Variants in SCARA3 observed in about 807,000 individuals in gnomAD.
SCARA3 encodes cellular stress response gene protein.
In SCARA3, 39 loss-of-function variants were observed where a neutral mutation model predicts 47.0. The observed-to-expected ratio is 0.83, with a 90% CI of 0.64 to 1.08. The LOEUF (loss-of-function observed/expected upper bound fraction) is 1.08, where lower values mean the gene tolerates loss of function less well. Ranked by LOEUF, SCARA3 falls within the 50% of genes least tolerant of loss-of-function variation. SCARA3 has a pLI of 0.00. For synonymous variants in SCARA3, 356 were observed against 334.1 expected, an observed-to-expected ratio of 1.07 and a Z score of -0.71; for missense variants, 724 against 792.3, an observed-to-expected ratio of 0.91 and a Z score of 1.04.
the SCARA3 span, chr8:27,701,519 T>C: frequency 6.6e-6 from 1 of 152,190 alleles, no homozygotes; most frequent in Non-Finnish European, 1.5e-5. Flanking sequence ...AGAGATGCTT[T>C]TTCATTCTTT....
chr8:27,653,780 TG>T, intron 3 of SCARA3, among the ~76,000 whole-genome samples: 1 of 152,176 alleles, frequency 6.6e-6, no homozygotes. Flanking sequence ...TATTCTATAC[TG>T]GGCAGTATAC....
downstream of SCARA3, among the ~76,000 whole-genome samples, chr8:27,674,541 C>T (rs1184730960): frequency 2.0e-5 from 3 of 152,106 alleles, no homozygotes; most frequent in African/African-American, 7.2e-5. Context: ...TCCTGCCCTG[C>T]TCGGTTATTT....
chr8:27,671,669 T>C lies in SCARA3; in HGVS notation c.*318T>C, dbSNP rs1585300193. On this transcript the variant is annotated 3_prime_UTR_variant, in exon 6 of 6. Transcript: ENST00000301904. ...ACACACACATGCACGCACACACACATGCACACATACACGTGCACACATACA... is the reference window on the plus strand; with the variant it reads ...ACACACACATGCACGCACACACACACGCACACATACACGTGCACACATACA... The C allele has an allele frequency of 9.3e-7, 1 of 1,072,840 alleles. No individual in the cohort carries two copies. Among genetic ancestry groups the C allele is most frequent in the Non-Finnish European group, 1.1e-6 (1 of 884,064 alleles). 66.5% of individuals were successfully genotyped at this position (1,072,840 alleles called of 1,614,324 possible). A position where few individuals can be genotyped will look rare whatever the true frequency, so the allele number is the denominator to read the frequency against.
the SCARA3 span, among the ~76,000 whole-genome samples, chr8:27,711,083 C>T: frequency 1.1e-4 from 16 of 152,114 alleles, no homozygotes; most frequent in South Asian, 2.1e-4. Flanking sequence ...CCACCACGCC[C>T]GACTAATTCT....
intron 1 of SCARA3, 71 bp downstream of exon 1, chr8:27,634,278 G>C: frequency 7.9e-7 from 1 of 1,271,988 alleles, no homozygotes; most frequent in Non-Finnish European, 1.0e-6. Flanking sequence ...GGGCCTGGGG[G>C]GCGCCTTTTC....
intron 1 of SCARA3, among the ~76,000 whole-genome samples, chr8:27,644,438 G>T (rs572283482): frequency 8.9e-4 from 136 of 152,286 alleles, no homozygotes; most frequent in African/African-American, 3.0e-3. Context: ...CTGGCTCATG[G>T]AGTCTTAGAT....
chr8:27,661,681 T>C (rs1425668711), intron 5 of SCARA3, among the ~76,000 whole-genome samples: 2 of 152,214 alleles, frequency 1.3e-5, no homozygotes, highest in Admixed American at 1.3e-4. Flanking sequence ...CTGGTATTCA[T>C]CACCACCTTC....
chr8:27,674,332 C>G (rs1004801250), downstream of SCARA3, among the ~76,000 whole-genome samples: 2 of 152,200 alleles, frequency 1.3e-5, no homozygotes, highest in Non-Finnish European at 2.9e-5. Flanking sequence ...GATGGAGGTG[C>G]CTCGGTGGCC....
At chr8:27,676,111 TA>T (rs1802273561), downstream of SCARA3, among the ~76,000 whole-genome samples, 1 of 152,226 alleles carries the variant, frequency 6.6e-6, no homozygotes. Flanking sequence ...CAAGGCCACA[TA>T]GATGTTAAGT....
intron 5 of SCARA3, among the ~76,000 whole-genome samples, chr8:27,660,846 A>AGC (rs10700852): frequency 0.1 from 5,763 of 56,510 alleles, 144 homozygotes; most frequent in African/African-American, 0.13. Context: ...AGCTAGCTAG[A>AGC]TAGATAGATA....
chr8:27,650,889 CT>C (rs1177890712), intron 2 of SCARA3, among the ~76,000 whole-genome samples: 50 of 152,104 alleles, frequency 3.3e-4, no homozygotes, highest in Non-Finnish European at 4.4e-5. Context: ...TTTTCATTTT[CT>C]TTTTTCTTTT....
At chr8:27,635,051 T>G (rs1411345283) in intron 1 of SCARA3, among the ~76,000 whole-genome samples, 1 of 152,062 alleles carries the variant, frequency 6.6e-6, no homozygotes, top group Non-Finnish European at 1.5e-5. Context: ...AGCAGATGCT[T>G]GTGTTCCTAG....
Position 27,672,609 on chromosome 8 carries a change from G to A in SCARA3, c.*1258G>A, listed in dbSNP as rs933787739. 6 of 985,598 alleles carry A rather than the reference G, an allele frequency of 6.1e-6. No homozygotes were observed. Among genetic ancestry groups the A allele is most frequent in the Non-Finnish European group, 6.0e-6 (5 of 830,090 alleles). The allele number at this position is 985,598 out of a possible 1,614,324, so 61.1% of individuals were successfully genotyped here. On this transcript the variant is annotated 3_prime_UTR_variant, in exon 6 of 6. Transcript: ENST00000301904. ...GCCCTCTTTGCATGGGCAGCCAGCTGGACTAGGAGTGGGAAGGGCCTGGAC... is the reference window on the plus strand; with the variant it reads ...GCCCTCTTTGCATGGGCAGCCAGCTAGACTAGGAGTGGGAAGGGCCTGGAC...
chr8:27,685,253 AAT>A, the SCARA3 span, among the ~76,000 whole-genome samples: 1 of 152,244 alleles, frequency 6.6e-6, no homozygotes, highest in Non-Finnish European at 1.5e-5. Flanking sequence ...AAACTGACTT[AAT>A]AAGTAGAAAA....
chr8:27,717,835 T>C, the SCARA3 span, among the ~76,000 whole-genome samples: 1 of 152,128 alleles, frequency 6.6e-6, no homozygotes, highest in Admixed American at 6.5e-5. Flanking sequence ...GTATAAAACA[T>C]GGCTCTTACC....
the SCARA3 span, among the ~76,000 whole-genome samples, chr8:27,724,990 G>A: frequency 1.3e-5 from 2 of 152,168 alleles, no homozygotes; most frequent in African/African-American, 4.8e-5. Context: ...CCATGAATGA[G>A]TTTCAAAATA....
chr8:27,659,503 C>G lies in SCARA3; in HGVS notation c.1333C>G (p.His445Asp). The stretch of plus-strand genomic sequence containing the variant: ...GGAGATGAAGGCAGTGGACACACAG[C>G]ATGGAGAAATCCTTCGCAATGTCAC... ...VEEMKAVDTQHGEILRNVTIL... is the reference protein window; with the variant it reads ...VEEMKAVDTQDGEILRNVTIL... Residue 445 changes from histidine (H) to aspartate (D), a missense_variant, in exon 5 of 6, where the codon CAT becomes GAT. By Grantham distance (81) the His-to-Asp change is moderately conservative. Coordinates refer to ENST00000301904, the MANE Select transcript of SCARA3 (RefSeq NM_016240.3). The G allele has an allele frequency of 6.2e-7, 1 of 1,612,972 alleles. No homozygotes were observed. The highest frequency in any genetic ancestry group is 8.5e-7 in the Non-Finnish European group (1 of 1,179,366).
chr8:27,677,619 C>T (rs1311608777), downstream of SCARA3, among the ~76,000 whole-genome samples: 1 of 152,186 alleles, frequency 6.6e-6, no homozygotes, highest in African/African-American at 2.4e-5. Flanking sequence ...AAAGCAGCAT[C>T]TCTCTCTCAA....
At chr8:27,715,597 A>AGAT in the SCARA3 span, among the ~76,000 whole-genome samples, 18 of 140,918 alleles carry the variant, frequency 1.3e-4, no homozygotes, top group Non-Finnish European at 2.1e-4. The surrounding 1 kb of genome is among the most constrained non-coding windows in gnomAD (Gnocchi z 4.2). Context: ...GATGATAGAT[A>AGAT]GATAGATAGA....
Sources: gnomAD v4.1 joint callset for allele counts (sites outside exome capture counted in the v4.1 genomes callset) on GRCh38, gnomAD v4.1.1 for gene constraint, Gnocchi (gnomAD v3.1) non-coding constraint, MANE v1.5 for transcripts, NCBI Gene and HGNC (gene_info 2026-07-23, HGNC 2026-07-21) for gene names.